Variants in CFAP299 observed in about 807,000 individuals in gnomAD.
CFAP299 encodes cilia and flagella associated protein 299.
A neutral mutation model predicts 27.0 loss-of-function variants in CFAP299; 21 were observed. That is an observed-to-expected ratio of 0.78 (90% CI 0.55 to 1.12). The LOEUF (loss-of-function observed/expected upper bound fraction) is 1.12. Ranked by LOEUF, CFAP299 falls within the 50% of genes most tolerant of loss-of-function variation. The pLI, the probability that CFAP299 is intolerant of heterozygous loss-of-function variation, is 0.00. For missense variants in CFAP299, 310 were observed against 276.6 expected (o/e 1.12, Z -0.86); for synonymous variants, 104 against 98.1 (o/e 1.06, Z -0.36).
intron 1 of CFAP299, among the ~76,000 whole-genome samples, chr4:80,355,475 A>C (rs1723230236): frequency 1.4e-5 from 2 of 148,040 alleles, no homozygotes; most frequent in South Asian, 2.1e-4. Flanking sequence ...CTCCTGCCTC[A>C]GCCTCCTGAG....
intron 3 of CFAP299, among the ~76,000 whole-genome samples, chr4:80,786,810 C>A (rs1479996485): frequency 6.6e-6 from 1 of 152,078 alleles, no homozygotes; most frequent in African/African-American, 2.4e-5. Context: ...TGCTACCTAC[C>A]AATGCTTGAA....
chr4:80,754,207 C>CT (rs1259459380), intron 3 of CFAP299, among the ~76,000 whole-genome samples: 1 of 152,038 alleles, frequency 6.6e-6, no homozygotes, highest in African/African-American at 2.4e-5. Context: ...GCGCCATGGG[C>CT]TTCAAATTTT....
chr4:80,790,674 A>T (rs1340665700), intron 3 of CFAP299, among the ~76,000 whole-genome samples: 1 of 152,038 alleles, frequency 6.6e-6, no homozygotes, highest in Non-Finnish European at 1.5e-5. Flanking sequence ...TGATCTTGGA[A>T]TTCCAGCCCC....
intron 2 of CFAP299, among the ~76,000 whole-genome samples, chr4:80,451,985 A>G (rs572894556): frequency 6.6e-6 from 1 of 152,318 alleles, no homozygotes; most frequent in South Asian, 2.1e-4. Flanking sequence ...ACTGGCAGGT[A>G]GGCACATTAC....
chr4:80,763,250 G>A (rs1725641594), intron 3 of CFAP299, among the ~76,000 whole-genome samples: 2 of 152,134 alleles, frequency 1.3e-5, no homozygotes, highest in African/African-American at 4.8e-5. Context: ...AGCAACTTCA[G>A]CAAAGTCTAA....
intron 2 of CFAP299, among the ~76,000 whole-genome samples, chr4:80,499,269 A>G (rs1731618284): frequency 6.6e-6 from 1 of 152,126 alleles, no homozygotes; most frequent in Admixed American, 6.6e-5. Flanking sequence ...AAAAATAAAT[A>G]TTTGTTTGAG....
chr4:80,531,119 A>G (rs759139513), intron 2 of CFAP299, among the ~76,000 whole-genome samples: 9 of 152,204 alleles, frequency 5.9e-5, no homozygotes, highest in East Asian at 1.9e-4. Flanking sequence ...GACTAGTTTT[A>G]TAATCTAGTC....
chr4:80,443,715 C>T (rs933562811), intron 2 of CFAP299, among the ~76,000 whole-genome samples: 1 of 152,096 alleles, frequency 6.6e-6, no homozygotes, highest in African/African-American at 2.4e-5. Flanking sequence ...AAAGGGTATT[C>T]AAATAGGAAG....
chr4:80,930,705 G>A (rs933235504), intron 4 of CFAP299, among the ~76,000 whole-genome samples: 1 of 152,088 alleles, frequency 6.6e-6, no homozygotes, highest in African/African-American at 2.4e-5. Context: ...AGACACACCT[G>A]CTTACACTTT....
intron 3 of CFAP299, among the ~76,000 whole-genome samples, chr4:80,622,808 C>T (rs1738675769): frequency 6.6e-6 from 1 of 152,058 alleles, no homozygotes; most frequent in African/African-American, 2.4e-5. Flanking sequence ...TGACTCACAT[C>T]ATCTAAAAAA....
intron 2 of CFAP299, among the ~76,000 whole-genome samples, chr4:80,499,282 A>G (rs1731619382): frequency 1.3e-5 from 2 of 152,178 alleles, no homozygotes; most frequent in African/African-American, 4.8e-5. Flanking sequence ...TGTTTGAGGG[A>G]AAAATGTCAT....
At chr4:80,810,406 G>C (rs1034218451) in intron 3 of CFAP299, among the ~76,000 whole-genome samples, 1 of 151,426 alleles carries the variant, frequency 6.6e-6, no homozygotes, top group Non-Finnish European at 1.5e-5. Flanking sequence ...CTGAACCTCA[G>C]AATGTGACCT....
intron 2 of CFAP299, among the ~76,000 whole-genome samples, chr4:80,568,062 G>A (rs904866926): frequency 1.3e-5 from 2 of 151,456 alleles, no homozygotes; most frequent in Admixed American, 6.6e-5. Flanking sequence ...AAGATGACTG[G>A]TGTAAAATTT....
chr4:80,616,881 C>A (rs2109925556), intron 3 of CFAP299, among the ~76,000 whole-genome samples: 1 of 151,956 alleles, frequency 6.6e-6, no homozygotes, highest in South Asian at 2.1e-4. Flanking sequence ...TTTAAGAATT[C>A]TAAATATTGA....
intron 3 of CFAP299, among the ~76,000 whole-genome samples, chr4:80,715,330 A>G (rs141409536): frequency 2.6e-5 from 4 of 152,222 alleles, no homozygotes; most frequent in Non-Finnish European, 4.4e-5. Flanking sequence ...GAGAGGGGGA[A>G]AAAGGACAAG....
chr4:80,578,238 T>C (rs1735971059), intron 2 of CFAP299, among the ~76,000 whole-genome samples: 2 of 152,342 alleles, frequency 1.3e-5, no homozygotes, highest in South Asian at 4.1e-4. Context: ...GCAAGGTTTC[T>C]TAGGTCACTG....
At chr4:80,883,312 G>T (rs923924915) in intron 4 of CFAP299, among the ~76,000 whole-genome samples, 1 of 151,768 alleles carries the variant, frequency 6.6e-6, no homozygotes, top group East Asian at 1.9e-4. Flanking sequence ...TAAAGAGAAG[G>T]AATCAAAGCA....
Position 80,342,167 on chromosome 4 carries a change from T to C in CFAP299, c.111+6288T>C, listed in dbSNP as rs565567358. Among the ~76,000 whole-genome samples, 15 of 152,226 alleles carry C rather than the reference T, an allele frequency of 9.9e-5. No homozygotes were observed. In the South Asian group the frequency reaches 1.7e-3, roughly 17 times the overall value. On this transcript the variant is annotated intron_variant, in intron 1 of 5. Transcript: ENST00000358105. ...AAAACCTGTGAGAAATATGAGACTA[T>C]GTAAAAAGACTGAACCTACGACTGA...
chr4:80,722,372 G>C (rs1452005426), intron 3 of CFAP299, among the ~76,000 whole-genome samples: 1 of 150,782 alleles, frequency 6.6e-6, no homozygotes, highest in African/African-American at 2.4e-5. Context: ...AGCCGAGATC[G>C]TGCCATGGCA....
Sources: gnomAD v4.1 joint callset for allele counts (sites outside exome capture counted in the v4.1 genomes callset) on GRCh38, gnomAD v4.1.1 for gene constraint, MANE v1.5 for transcripts, NCBI Gene and HGNC (gene_info 2026-07-23, HGNC 2026-07-21) for gene names.